The following NSD1 variants were observed in gnomAD, a reference collection of about 807,000 sequenced individuals.
NSD1 encodes the protein nuclear receptor binding SET domain protein 1.
A neutral mutation model predicts 242.7 loss-of-function variants in NSD1; 26 were observed. The ratio of observed to expected loss-of-function variants is 0.11; its 90% confidence interval spans 0.08 to 0.15. NSD1 has a LOEUF of 0.15. Ranked by LOEUF, NSD1 falls within the 10% of genes least tolerant of loss-of-function variation. NSD1 has a pLI of 1.00. For missense variants in NSD1, 2,495 were observed against 3,272.8 expected (o/e 0.76, Z 5.80); for synonymous variants, 1,106 against 1,178.1 (o/e 0.94, Z 1.25).
intron 11 of NSD1, among the ~76,000 whole-genome samples, chr5:177,249,529 C>T (rs1021920887): frequency 2.0e-5 from 3 of 152,046 alleles, no homozygotes; most frequent in Non-Finnish European, 2.9e-5. Flanking sequence ...TGCAGTGGCG[C>T]GATCTCTGCT....
At chr5:177,276,012 C>T (rs771215944) in intron 17 of NSD1, among the ~76,000 whole-genome samples, 21 of 152,154 alleles carry the variant, frequency 1.4e-4, no homozygotes, top group Non-Finnish European at 2.5e-4. Context: ...ACCTCCGCTT[C>T]GTGGGCGCAA....
intron 2 of NSD1, among the ~76,000 whole-genome samples, chr5:177,184,209 CTGT>C (rs1324068508): frequency 6.6e-6 from 1 of 152,192 alleles, no homozygotes; most frequent in African/African-American, 2.4e-5. Context: ...AACCTCCAAA[CTGT>C]TGTCTAGATT....
intron 5 of NSD1, among the ~76,000 whole-genome samples, chr5:177,216,419 T>C (rs1763776788): frequency 6.6e-6 from 1 of 152,142 alleles, no homozygotes; most frequent in Admixed American, 6.6e-5. Flanking sequence ...CCTTCCAATA[T>C]CATGAAGTTT....
At chr5:177,229,753 T>A (rs1216447582) in intron 5 of NSD1, 2 of 413,908 alleles carry the variant, frequency 4.8e-6, no homozygotes, top group Non-Finnish European at 9.6e-6. Flanking sequence ...TGTATTTTTT[T>A]ATTTTTTTGA....
At chr5:177,137,963 T>A (rs1756477159) in intron 2 of NSD1, among the ~76,000 whole-genome samples, 1 of 151,730 alleles carries the variant, frequency 6.6e-6, no homozygotes, top group Admixed American at 6.6e-5. Context: ...TAATCCCAGC[T>A]ACTCGAGAGG....
At chr5:177,256,275 CTTTTT>C (rs147226070) in intron 12 of NSD1, among the ~76,000 whole-genome samples, 9 of 76,852 alleles carry the variant, frequency 1.2e-4, no homozygotes, top group Admixed American at 3.3e-4. Context: ...TGCCCCCACA[CTTTTT>C]TTTTTTTTTT....
At chr5:177,236,988 T>C (rs1292263519) in intron 6 of NSD1, among the ~76,000 whole-genome samples, 1 of 152,108 alleles carries the variant, frequency 6.6e-6, no homozygotes, top group Non-Finnish European at 1.5e-5. Flanking sequence ...AGGTGCACAC[T>C]ACCACACCTG....
chr5:177,240,277 T>A (rs1486783884), intron 8 of NSD1, among the ~76,000 whole-genome samples: 1 of 152,202 alleles, frequency 6.6e-6, no homozygotes, highest in Non-Finnish European at 1.5e-5. Flanking sequence ...TCACCCAGGC[T>A]GGAGTGCAGT....
rs1048341109 is a variant in NSD1, at chr5:177,265,738, C to A, written c.5147-1824C>A. The A allele has an allele frequency of 3.2e-6, 5 of 1,565,742 alleles. No homozygotes were observed. The African/African-American group carries it at 4.1e-5, about 13-fold the overall frequency. The stretch of plus-strand genomic sequence containing the variant: ...TCAGGTAGTCCTCCATGTAGAACAC[C>A]GTCTGCTTCCAGTGCGTGTACAGGG... On this transcript the variant is annotated intron_variant, in intron 14 of 22. Transcript: ENST00000439151.
chr5:177,162,574 C>T (rs1758848051), intron 2 of NSD1, among the ~76,000 whole-genome samples: 1 of 152,118 alleles, frequency 6.6e-6, no homozygotes, highest in Non-Finnish European at 1.5e-5. Flanking sequence ...GACAGGGTTT[C>T]TTTCGCCCTA....
chr5:177,151,311 G>T (rs1028518931), intron 2 of NSD1, among the ~76,000 whole-genome samples: 2 of 152,208 alleles, frequency 1.3e-5, no homozygotes, highest in Admixed American at 1.3e-4. Flanking sequence ...TTGAACCCAG[G>T]AGACGGAGGT....
intron 2 of NSD1, among the ~76,000 whole-genome samples, chr5:177,137,678 C>T: frequency 6.6e-6 from 1 of 151,924 alleles, no homozygotes; most frequent in East Asian, 1.9e-4. Context: ...TTTGTTTTTG[C>T]ACATAAATTT....
At position 177,224,606 on chromosome 5, in the gene NSD1, T is replaced by C. The variant is rs776965315; in HGVS notation, c.3797-11215T>C. The stretch of plus-strand genomic sequence containing the variant: ...TACTGTTTGTTAGTAATAGTATTTT[T>C]TTATGAATTATTTTGGATTTTCTGT... On this transcript the variant is annotated intron_variant, in intron 5 of 22. Transcript: ENST00000439151. Among the ~76,000 whole-genome samples the C allele has an allele frequency of 2.7e-4, 41 of 151,598 alleles. No homozygotes were observed. The South Asian group carries it at 3.1e-3, about 12-fold the overall frequency.
At chr5:177,207,472 C>T (rs945104708) in intron 4 of NSD1, among the ~76,000 whole-genome samples, 5 of 150,768 alleles carry the variant, frequency 3.3e-5, no homozygotes, top group Admixed American at 6.6e-5. Flanking sequence ...TTAGTATAGA[C>T]GGGGTTTCAC....
intron 2 of NSD1, among the ~76,000 whole-genome samples, chr5:177,141,885 G>A (rs1756856924): frequency 6.6e-6 from 1 of 152,058 alleles, no homozygotes; most frequent in South Asian, 2.1e-4. Context: ...CCAGGCTGTA[G>A]TGCAGTGGTG....
chr5:177,132,955 G>A (rs1267450051), upstream of NSD1: 2 of 152,504 alleles, frequency 1.3e-5, no homozygotes, highest in Non-Finnish European at 2.9e-5. The surrounding 1 kb of genome is among the most constrained non-coding windows in gnomAD (Gnocchi z 7.5). Context: ...CCTGAGACAG[G>A]AGGGAGCCCT....
chr5:177,204,396 C>T, intron 4 of NSD1, 104 bp downstream of exon 4: 1 of 1,076,546 alleles, frequency 9.3e-7, no homozygotes, highest in South Asian at 1.3e-5. Flanking sequence ...CTCTGTTTCC[C>T]AGATTGGAGT....
intron 2 of NSD1, among the ~76,000 whole-genome samples, chr5:177,170,311 G>T (rs767271969): frequency 6.6e-6 from 1 of 151,152 alleles, no homozygotes; most frequent in Non-Finnish European, 1.5e-5. Flanking sequence ...TTTGGTGGGA[G>T]TCAGTACCCT....
At position 177,269,417 on chromosome 5, in the gene NSD1, A is replaced by G. The variant is rs1478762736; in HGVS notation, c.5304-185A>G. ...TGCGCGCCTGTGTGGGAATGTGGGC[A>G]GATGTTTTCCAGCTTCTAGCACATA... On this transcript the variant is annotated intron_variant, in intron 15 of 22. Coordinates refer to ENST00000439151, the MANE Select transcript of NSD1 (RefSeq NM_022455.5). This position sits in a 1 kb window ranked among gnomAD's most constrained non-coding sequence, Gnocchi z 5.1. Among the ~76,000 whole-genome samples, 1 of 152,178 alleles carries G rather than the reference A, an allele frequency of 6.6e-6. No individual in the cohort carries two copies. The highest frequency in any genetic ancestry group is 2.4e-5 in the African/African-American group (1 of 41,438).
Sources: gnomAD v4.1 joint callset for allele counts (sites outside exome capture counted in the v4.1 genomes callset) on GRCh38, gnomAD v4.1.1 for gene constraint, Gnocchi (gnomAD v3.1) non-coding constraint, MANE v1.5 for transcripts, NCBI Gene and HGNC (gene_info 2026-07-23, HGNC 2026-07-21) for gene names.